The following TM6SF1 variants were observed in gnomAD, a reference collection of about 807,000 sequenced individuals.
The protein encoded by TM6SF1 is transmembrane 6 superfamily member 1.
Under a neutral mutation model 47.1 loss-of-function variants are expected in TM6SF1, and 43 were observed. The observed-to-expected ratio is 0.91, with a 90% CI of 0.72 to 1.18. The LOEUF is 1.18. Among genes scored for constraint, TM6SF1 ranks in the 50% most tolerant of loss-of-function variants. The pLI, the probability that TM6SF1 is intolerant of heterozygous loss-of-function variation, is 0.00. For synonymous variants in TM6SF1, 177 were observed against 166.3 expected, an observed-to-expected ratio of 1.06 and a Z score of -0.49; for missense variants, 390 against 449.0, an observed-to-expected ratio of 0.87 and a Z score of 1.19.
rs990774935 is a variant in TM6SF1 at position 83,114,770 on chromosome 15, C to G, written c.197-1075C>G. The stretch of plus-strand genomic sequence containing the variant: ...AGTCTAAGGCACCAATCTGTTACAA[C>G]TTGAAAATGCAGCTTTGACAAACTA... On this transcript the variant is annotated intron_variant, in intron 2 of 9. Coordinates refer to ENST00000322019, the MANE Select transcript of TM6SF1 (RefSeq NM_023003.5). The G allele has an allele frequency of 2.6e-5, 4 of 152,240 alleles. No individual in the cohort carries two copies. The South Asian group carries it at 6.2e-4, about 24-fold the overall frequency. The allele number at this position is 152,240 out of a possible 1,614,324, so 9.4% of individuals were successfully genotyped here.
Position 83,107,869 on chromosome 15 carries a change from G to T in TM6SF1, c.92+97G>T. 1 of 1,403,134 alleles carries T rather than the reference G, an allele frequency of 7.1e-7. No homozygotes were observed. Among genetic ancestry groups the T allele is most frequent in the Non-Finnish European group, 9.3e-7 (1 of 1,074,560 alleles). The allele number at this position is 1,403,134 out of a possible 1,614,324, so 86.9% of individuals were successfully genotyped here. A position where few individuals can be genotyped will look rare whatever the true frequency, so the allele number is the denominator to read the frequency against. ...CAACTTTTCCGAGGGGGCTGGGACC[G>T]TCCGCCGCGGGACAGAGGTTCGTGG... On this transcript the variant is annotated intron_variant, in intron 1 of 9. Transcript: ENST00000322019. This position sits in a 1 kb window ranked among gnomAD's most constrained non-coding sequence, Gnocchi z 5.6.
rs984000890 is a variant in TM6SF1, at chr15:83,107,825, C to T, written c.92+53C>T. 1.2e-5 allele frequency: 19 copies of T among 1,532,554 alleles called. No individual in the cohort carries two copies. Among genetic ancestry groups the T allele is most frequent in the Middle Eastern group, 3.4e-4 (2 of 5,886 alleles). 94.9% of individuals were successfully genotyped at this position (1,532,554 alleles called of 1,614,324 possible). ...CGCCGAGGGGCGGCGGGAGTTGGCT[C>T]GCCGCGACGGGAGCCTCGCAACTTT... is the stretch of plus-strand genomic sequence containing the variant. On this transcript the variant is annotated intron_variant, in intron 1 of 9. Transcript: ENST00000322019. The surrounding 1 kb of genome is among the most constrained non-coding windows in gnomAD (Gnocchi z 5.6).
In TM6SF1 at chr15:83,109,419, C is replaced by T. The variant is rs2033946398; in HGVS notation, c.92+1647C>T. Among the ~76,000 whole-genome samples, 2 of 152,236 alleles carry T rather than the reference C, an allele frequency of 1.3e-5. 1 individual carries two copies. The highest frequency in any genetic ancestry group is 4.1e-4 in the South Asian group (2 of 4,834). ...ACTGGGAAGATGGTGATGGCATTTACTGAATACAGACTGAACTATGTATTG... is the reference window on the plus strand; with the variant it reads ...ACTGGGAAGATGGTGATGGCATTTATTGAATACAGACTGAACTATGTATTG... On this transcript the variant is annotated intron_variant, in intron 1 of 9. Transcript: ENST00000322019.
Position 83,122,879 on chromosome 15 carries a change from G to A in TM6SF1, c.603+1G>A. On this transcript the variant is annotated splice_donor_variant, in intron 6 of 9. Transcript: ENST00000322019. LOFTEE classifies it high-confidence loss of function. The stretch of plus-strand genomic sequence containing the variant: ...AGAAAATTATAATTACCCCTCAAAG[G>A]TGATTTTATTAAGCTTTGATGTACC... 4.3e-6 allele frequency: 7 copies of A among 1,613,690 alleles called. No homozygotes were observed. The highest frequency in any genetic ancestry group is 5.9e-6 in the Non-Finnish European group (7 of 1,179,924).
At position 83,112,808 on chromosome 15, in the gene TM6SF1, T is replaced by C. The variant is rs374990663; in HGVS notation, c.104T>C (p.Ile35Thr). ...TCTGGTCGTTGCAGTTCCTGGACTA[T>C]TGTAGGGGTTGCTGCCCTCATCCTG... Reference protein sequence around the residue: ...HLAAQHDSWTIVGVAALILFL... With the variant: ...HLAAQHDSWTTVGVAALILFL... The change falls in exon 2 of 10, where the codon ATT (isoleucine) becomes ACT (threonine). Residue 35 changes from isoleucine to threonine, a missense_variant. Physicochemically the swap from Ile to Thr is moderately conservative, Grantham distance 89 (BLOSUM62 -1). Transcript: ENST00000322019. 1.5e-5 allele frequency: 24 copies of C among 1,613,994 alleles called. No homozygotes were observed. The Middle Eastern group carries it at 4.9e-4, about 33-fold the overall frequency.
chr15:83,119,528 G>T (rs2035020526), intron 3 of TM6SF1, 50 bp from the exon 4 acceptor site: 2 of 1,588,648 alleles, frequency 1.3e-6, no homozygotes, highest in Non-Finnish European at 1.7e-6. Context: ...CTGATGTTCT[G>T]CATTTACAGG....
chr15:83,111,008 T>C (rs933610059), intron 1 of TM6SF1, among the ~76,000 whole-genome samples: 2 of 152,124 alleles, frequency 1.3e-5, no homozygotes, highest in African/African-American at 4.8e-5. Context: ...GTAGCGGGGA[T>C]TACAGGCATC....
At chr15:83,125,269 G>A (rs1400314688) in intron 7 of TM6SF1, among the ~76,000 whole-genome samples, 2 of 152,120 alleles carry the variant, frequency 1.3e-5, no homozygotes, top group African/African-American at 4.8e-5. Flanking sequence ...TTCATCTCAC[G>A]CCTGGAGTCT....
intron 9 of TM6SF1, 73 bp downstream of exon 9, chr15:83,127,550 T>C (rs1263577260): frequency 2.4e-5 from 37 of 1,558,590 alleles, no homozygotes; most frequent in Non-Finnish European, 3.2e-5. Flanking sequence ...GAAAAACTTC[T>C]CTGCTCAGTG....
intron 9 of TM6SF1, chr15:83,127,800 T>C (rs192025547): frequency 3.6e-6 from 1 of 281,276 alleles, no homozygotes; most frequent in African/African-American, 2.3e-5. Flanking sequence ...CTGAATACCA[T>C]GGCTACTAAA....
At chr15:83,125,125 A>C (rs955701391) in intron 7 of TM6SF1, among the ~76,000 whole-genome samples, 6 of 152,190 alleles carry the variant, frequency 3.9e-5, no homozygotes, top group Admixed American at 3.9e-4. Context: ...GGACTGCAAC[A>C]CAACTGTGGC....
chr15:83,111,817 T>A (rs2034210375), intron 1 of TM6SF1: 2 of 323,550 alleles, frequency 6.2e-6, no homozygotes, highest in Non-Finnish European at 8.9e-6. Flanking sequence ...TCAGAGTCCA[T>A]TGAGATAGGT....
Position 83,118,230 on chromosome 15 carries a change from TACAC to T in TM6SF1, c.295-1316_295-1313del, listed in dbSNP as rs72160704. ...CAGAGTGAGACCCTGTCTCTGTACG[TACAC>T]ACACACACACACACACACACACACA... On this transcript the variant is annotated intron_variant, in intron 3 of 9. Coordinates refer to ENST00000322019, the MANE Select transcript of TM6SF1 (RefSeq NM_023003.5). Among the ~76,000 whole-genome samples the T allele has an allele frequency of 3.2e-3, 473 of 146,282 alleles. 8 individuals are homozygous for T. Among genetic ancestry groups the T allele is most frequent in the African/African-American group, 5.6e-3 (227 of 40,224 alleles).
intron 9 of TM6SF1, chr15:83,130,831 C>G (rs926094411): frequency 6.6e-6 from 1 of 152,262 alleles, no homozygotes; most frequent in African/African-American, 2.4e-5. Flanking sequence ...TGGCTCACAC[C>G]TGTAATCCCA....
chr15:83,134,464 C>G (rs1200427763), intron 9 of TM6SF1: 1 of 152,234 alleles, frequency 6.6e-6, no homozygotes. Flanking sequence ...CTCAGGTGAT[C>G]CACCCGCCTT....
At chr15:83,119,552 G>T in intron 3 of TM6SF1, 26 bp from the exon 4 acceptor site, 1 of 1,612,354 alleles carries the variant, frequency 6.2e-7, no homozygotes, top group Non-Finnish European at 8.5e-7. Context: ...TATTTAAAGT[G>T]GACTTCTTTT....
At chr15:83,126,947 C>T in intron 8 of TM6SF1, 100 bp downstream of exon 8, 1 of 882,334 alleles carries the variant, frequency 1.1e-6, no homozygotes. Context: ...AATCCCAGCA[C>T]TTTGGGAGGC....
At chr15:83,116,485 G>A (rs1182553380) in intron 3 of TM6SF1, among the ~76,000 whole-genome samples, 1 of 152,230 alleles carries the variant, frequency 6.6e-6, no homozygotes, top group African/African-American at 2.4e-5. Context: ...TATTCAAGGT[G>A]ACACAGGAAA....
At chr15:83,121,444 T>C (rs1290430817) in intron 4 of TM6SF1, among the ~76,000 whole-genome samples, 1 of 152,200 alleles carries the variant, frequency 6.6e-6, no homozygotes, top group Non-Finnish European at 1.5e-5. Context: ...CTTTGCAACA[T>C]GGGGTACATG....
Sources: gnomAD v4.1 joint callset for allele counts (sites outside exome capture counted in the v4.1 genomes callset) on GRCh38, gnomAD v4.1.1 for gene constraint, Gnocchi (gnomAD v3.1) non-coding constraint, MANE v1.5 for transcripts, NCBI Gene and HGNC (gene_info 2026-07-23, HGNC 2026-07-21) for gene names.